LTBP1: variants seen among roughly 807,000 people sequenced by gnomAD.
LTBP1 encodes the protein latent-transforming growth factor beta-binding protein 1.
A neutral mutation model predicts 207.6 loss-of-function variants in LTBP1; 129 were observed. The observed-to-expected ratio is 0.62, with a 90% CI of 0.54 to 0.72. The LOEUF is 0.72. Among genes scored for constraint, LTBP1 ranks in the 30% least tolerant of loss-of-function variants. The probability of loss-of-function intolerance (pLI) is 0.00; values close to 1 mark genes in which losing one functional copy is unlikely to be tolerated. For missense variants in LTBP1, 2,281 were observed against 2,217.2 expected (o/e 1.03, Z -0.58); for synonymous variants, 963 against 833.7 (o/e 1.16, Z -2.67).
At chr2:33,176,370 C>T (rs993278828) in intron 5 of LTBP1, among the ~76,000 whole-genome samples, 3 of 151,978 alleles carry the variant, frequency 2.0e-5, no homozygotes, top group African/African-American at 4.8e-5. Flanking sequence ...GGACTACAGG[C>T]GCCCGCCACC....
intron 26 of LTBP1, among the ~76,000 whole-genome samples, chr2:33,350,489 A>T (rs2094765605): frequency 6.6e-6 from 1 of 152,244 alleles, no homozygotes; most frequent in Non-Finnish European, 1.5e-5. Flanking sequence ...CACTGGCAGA[A>T]GAGCACCCAC....
chr2:32,981,442 T>G (rs6758871), intron 2 of LTBP1, among the ~76,000 whole-genome samples: 14,765 of 152,266 alleles, frequency 0.097, 957 homozygotes, highest in Non-Finnish European at 0.14. Context: ...GTGATCTCAC[T>G]TTTGCTTTGT....
At chr2:33,387,885 T>C (rs2095281326) in intron 31 of LTBP1, among the ~76,000 whole-genome samples, 1 of 152,186 alleles carries the variant, frequency 6.6e-6, no homozygotes, top group African/African-American at 2.4e-5. Context: ...TAGGCAAGTG[T>C]GGCCATTGCC....
chr2:33,386,271 G>A (rs1422072396), intron 31 of LTBP1, among the ~76,000 whole-genome samples: 4 of 152,176 alleles, frequency 2.6e-5, no homozygotes, highest in African/African-American at 7.2e-5. Context: ...AGGAACAGGA[G>A]CCTGCCCTTC....
chr2:33,165,088 C>A (rs1040585324), intron 5 of LTBP1, among the ~76,000 whole-genome samples: 2 of 152,148 alleles, frequency 1.3e-5, no homozygotes, highest in Admixed American at 6.5e-5. Flanking sequence ...TCCAGAATCA[C>A]AGATCATTCA....
Position 33,177,112 on chromosome 2 carries a change from C to T in LTBP1, c.1202-9744C>T, listed in dbSNP as rs1389272051. 2.0e-5 allele frequency among the ~76,000 whole-genome samples: 3 copies of T among 152,242 alleles called. No homozygotes were observed. In the East Asian group the frequency reaches 5.8e-4, roughly 29 times the overall value. Reference sequence around the variant, plus strand: ...AATAATTTAGTTGGGATTCAAACTCCTGGAGGTCTGATTCCAGGCTGTTGC... The same window carrying T: ...AATAATTTAGTTGGGATTCAAACTCTTGGAGGTCTGATTCCAGGCTGTTGC... On this transcript the variant is annotated intron_variant, in intron 5 of 33. Coordinates refer to ENST00000404816, the MANE Select transcript of LTBP1 (RefSeq NM_206943.4).
At chr2:33,319,065 A>C (rs145367023) in intron 24 of LTBP1, among the ~76,000 whole-genome samples, 10 of 152,194 alleles carry the variant, frequency 6.6e-5, no homozygotes, top group Non-Finnish European at 1.3e-4. Context: ...GCACCACTGT[A>C]CTCCAGCCTG....
At chr2:33,116,953 A>T (rs1572704757) in intron 4 of LTBP1, among the ~76,000 whole-genome samples, 1 of 152,208 alleles carries the variant, frequency 6.6e-6, no homozygotes, top group Non-Finnish European at 1.5e-5. Context: ...CTGCAGTGGC[A>T]CCACAGGAGA....
chr2:32,961,552 A>C (rs891890967), intron 2 of LTBP1, among the ~76,000 whole-genome samples: 3 of 141,198 alleles, frequency 2.1e-5, no homozygotes, highest in African/African-American at 7.8e-5. Flanking sequence ...GGTTTTGTTC[A>C]TCCCCCCCAC....
intron 7 of LTBP1, among the ~76,000 whole-genome samples, chr2:33,213,295 G>T (rs749089113): frequency 6.6e-6 from 1 of 152,132 alleles, no homozygotes; most frequent in Non-Finnish European, 1.5e-5. Flanking sequence ...TTACTTATTC[G>T]TAAGACACAT....
chr2:33,254,418 C>T (rs2147726411), intron 11 of LTBP1, among the ~76,000 whole-genome samples: 1 of 152,042 alleles, frequency 6.6e-6, no homozygotes. Context: ...GTGACTGGAA[C>T]TCAGGGATAC....
At chr2:33,221,240 G>T (rs1277843434) in intron 8 of LTBP1, among the ~76,000 whole-genome samples, 1 of 152,138 alleles carries the variant, frequency 6.6e-6, no homozygotes, top group African/African-American at 2.4e-5. Flanking sequence ...AATTGCAGAA[G>T]AATTCTTCCC....
chr2:33,289,721 C>T (rs531828493), intron 19 of LTBP1, among the ~76,000 whole-genome samples: 16 of 152,212 alleles, frequency 1.1e-4, no homozygotes, highest in South Asian at 1.0e-3. Context: ...ACAGATAAAA[C>T]GCAAAGGCCT....
chr2:33,051,989 G>A lies in LTBP1; in HGVS notation c.863+30783G>A, dbSNP rs537572938. On this transcript the variant is annotated intron_variant, in intron 3 of 33. Coordinates refer to ENST00000404816, the MANE Select transcript of LTBP1 (RefSeq NM_206943.4). Reference sequence around the variant, plus strand: ...AGCCATTTGAATTTTAAACAGATGTGTGTGCAAAGCTGGGAGTCAGCATTG... The same window carrying A: ...AGCCATTTGAATTTTAAACAGATGTATGTGCAAAGCTGGGAGTCAGCATTG... Among the ~76,000 whole-genome samples, 17 of 152,354 alleles carry A rather than the reference G, an allele frequency of 1.1e-4. No individual in the cohort carries two copies. In the South Asian group the frequency reaches 3.5e-3, roughly 32 times the overall value.
intron 3 of LTBP1, among the ~76,000 whole-genome samples, chr2:33,023,095 T>C (rs72791764): frequency 0.097 from 14,764 of 152,186 alleles, 952 homozygotes; most frequent in Non-Finnish European, 0.14. Context: ...AAGCTTTGAT[T>C]ATATCATAGC....
chr2:32,977,746 G>T (rs1346953497), intron 2 of LTBP1, among the ~76,000 whole-genome samples: 1 of 152,140 alleles, frequency 6.6e-6, no homozygotes, highest in Non-Finnish European at 1.5e-5. Context: ...CTTCTCATGG[G>T]TCTGTGTTGA....
At chr2:33,279,684 C>A (rs998228324) in intron 18 of LTBP1, among the ~76,000 whole-genome samples, 1 of 152,198 alleles carries the variant, frequency 6.6e-6, no homozygotes, top group Admixed American at 6.5e-5. Context: ...ACACTCACCC[C>A]CATTCTTTGT....
chr2:33,370,017 G>A (rs1469958421), intron 31 of LTBP1, among the ~76,000 whole-genome samples: 1 of 150,938 alleles, frequency 6.6e-6, no homozygotes, highest in East Asian at 1.9e-4. Context: ...TTTGCATCCT[G>A]GTTTGGCAAC....
chr2:33,194,295 C>T (rs1437230385), intron 7 of LTBP1, among the ~76,000 whole-genome samples: 1 of 152,056 alleles, frequency 6.6e-6, no homozygotes, highest in Non-Finnish European at 1.5e-5. Context: ...ACATCTCTCA[C>T]TTTAAATCAA....
Sources: gnomAD v4.1 joint callset for allele counts (sites outside exome capture counted in the v4.1 genomes callset) on GRCh38, gnomAD v4.1.1 for gene constraint, MANE v1.5 for transcripts, NCBI Gene and HGNC (gene_info 2026-07-23, HGNC 2026-07-21) for gene names.